NAALADL2: variants seen among roughly 807,000 people sequenced by gnomAD.
The protein encoded by NAALADL2 is N-acetylated alpha-linked acidic dipeptidase like 2.
A neutral mutation model predicts 87.2 loss-of-function variants in NAALADL2; 76 were observed. The observed-to-expected ratio is 0.87, with a 90% CI of 0.72 to 1.05. NAALADL2 has a LOEUF of 1.05. NAALADL2 is among the 50% of genes least tolerant of loss of function. NAALADL2 has a pLI of 0.00. For missense variants in NAALADL2, 1,089 were observed against 945.8 expected (o/e 1.15, Z -1.99); for synonymous variants, 354 against 331.0 (o/e 1.07, Z -0.75).
intron 3 of NAALADL2, among the ~76,000 whole-genome samples, chr3:174,751,094 A>G (rs1250355103): frequency 1.3e-5 from 2 of 152,098 alleles, no homozygotes; most frequent in Non-Finnish European, 2.9e-5. Context: ...CAGTGGAATT[A>G]CTGGAGTCAA....
chr3:174,986,943 GT>G (rs1745958437), intron 1 of NAALADL2, among the ~76,000 whole-genome samples: 1 of 152,226 alleles, frequency 6.6e-6, no homozygotes, highest in South Asian at 2.1e-4. Context: ...GGAGTTGGCA[GT>G]TTTTTAATGC....
intron 3 of NAALADL2, among the ~76,000 whole-genome samples, chr3:174,845,059 C>G (rs977713639): frequency 1.3e-5 from 2 of 151,940 alleles, no homozygotes; most frequent in African/African-American, 4.8e-5. Context: ...TTCTAAATTT[C>G]TGTTTACAGC....
chr3:175,078,890 C>G (rs1415175982), intron 1 of NAALADL2, among the ~76,000 whole-genome samples: 1 of 152,142 alleles, frequency 6.6e-6, no homozygotes, highest in African/African-American at 2.4e-5. Flanking sequence ...TAATGCTGCT[C>G]TAAAACATTT....
intron 7 of NAALADL2, among the ~76,000 whole-genome samples, chr3:175,465,251 C>CAAAAA (rs563877269): frequency 2.4e-5 from 2 of 84,232 alleles, no homozygotes; most frequent in African/African-American, 7.6e-5. Flanking sequence ...GACTCTATCT[C>CAAAAA]AAAAAAAAAA....
chr3:175,014,489 T>C (rs528107281), intron 1 of NAALADL2, among the ~76,000 whole-genome samples: 1 of 152,286 alleles, frequency 6.6e-6, no homozygotes, highest in African/African-American at 2.4e-5. Flanking sequence ...TGTTCCATAA[T>C]GTATTCCCAG....
Position 174,890,011 on chromosome 3 carries a change from G to A in NAALADL2, c.43+30561G>A, listed in dbSNP as rs114924399. On this transcript the variant is annotated intron_variant, in intron 1 of 13. Coordinates refer to ENST00000454872, the MANE Select transcript of NAALADL2 (RefSeq NM_207015.3). ...TAAGTAGAGAAGTTCGCTGTAGTACGCTACATATGAGTTCAGGCCATGGTT... is the reference window on the plus strand; with the variant it reads ...TAAGTAGAGAAGTTCGCTGTAGTACACTACATATGAGTTCAGGCCATGGTT... 7.2e-3 allele frequency among the ~76,000 whole-genome samples: 1,102 copies of A among 152,186 alleles called. 20 individuals carry two copies. The highest frequency in any genetic ancestry group is 0.025 in the African/African-American group (1,024 of 41,528).
chr3:174,927,622 G>A (rs1170098389), intron 1 of NAALADL2, among the ~76,000 whole-genome samples: 1 of 152,100 alleles, frequency 6.6e-6, no homozygotes, highest in Non-Finnish European at 1.5e-5. Flanking sequence ...GGTACATAAC[G>A]AAATGAAGGC....
At chr3:175,784,300 C>A (rs1751586501) in intron 13 of NAALADL2, among the ~76,000 whole-genome samples, 1 of 152,202 alleles carries the variant, frequency 6.6e-6, no homozygotes, top group East Asian at 1.9e-4. Context: ...CCTTGTACCT[C>A]TGATAGAATT....
In NAALADL2 at chr3:174,847,467, C is replaced by A. The variant is rs1413341436; in HGVS notation, c.-9+109721C>A. Among the ~76,000 whole-genome samples, 3 of 152,048 alleles carry A rather than the reference C, an allele frequency of 2.0e-5. No individual in the cohort carries two copies. In the East Asian group the frequency reaches 5.8e-4, roughly 29 times the overall value. On this transcript the variant is annotated intron_variant, in intron 3 of 3. Transcript: ENST00000434257. Reference sequence around the variant, plus strand: ...GGCTTTATTATAATCAAGAAATAAACTTTTAAAAAATAGGCTAAACTCAGA... The same window carrying A: ...GGCTTTATTATAATCAAGAAATAAAATTTTAAAAAATAGGCTAAACTCAGA...
At chr3:174,919,596 C>A (rs755258270) in intron 1 of NAALADL2, among the ~76,000 whole-genome samples, 3 of 152,190 alleles carry the variant, frequency 2.0e-5, no homozygotes, top group Non-Finnish European at 4.4e-5. Context: ...ATCTCCTCCA[C>A]TGAAGTCCTC....
chr3:174,587,705 C>T (rs1027438731), intron 2 of NAALADL2, among the ~76,000 whole-genome samples: 6 of 152,146 alleles, frequency 3.9e-5, no homozygotes, highest in Admixed American at 2.0e-4. Flanking sequence ...GTATTGGCCC[C>T]CACTCTCTTC....
rs76501445 is a variant in NAALADL2 at position 174,902,098 on chromosome 3, C to G, written c.43+42648C>G. ...TGGTCTGATGCAGGGCATGATCTAC[C>G]GCCCAGGTGTTGCTGATGCTGCTAG... On this transcript the variant is annotated intron_variant, in intron 1 of 13. Coordinates refer to ENST00000454872, the MANE Select transcript of NAALADL2 (RefSeq NM_207015.3). Among the ~76,000 whole-genome samples the G allele has an allele frequency of 2.9e-3, 444 of 152,202 alleles. 3 individuals are homozygous for G. Among genetic ancestry groups the G allele is most frequent in the African/African-American group, 0.01 (432 of 41,526 alleles).
chr3:175,318,501 T>C (rs1404703040), intron 4 of NAALADL2, among the ~76,000 whole-genome samples: 1 of 152,196 alleles, frequency 6.6e-6, no homozygotes, highest in Non-Finnish European at 1.5e-5. Context: ...AAAAAACTTT[T>C]GTTAGTTTTT....
intron 1 of NAALADL2, among the ~76,000 whole-genome samples, chr3:174,878,625 G>T (rs73174792): frequency 6.6e-6 from 1 of 152,024 alleles, no homozygotes; most frequent in Non-Finnish European, 1.5e-5. Flanking sequence ...AATCCCTCTT[G>T]AATTTTTTTC....
intron 2 of NAALADL2, among the ~76,000 whole-genome samples, chr3:175,206,703 T>C (rs1290911072): frequency 1.3e-5 from 2 of 151,866 alleles, no homozygotes; most frequent in African/African-American, 4.8e-5. Flanking sequence ...CAATAACTTC[T>C]GGAAAAATAA....
chr3:175,393,996 A>G (rs1013339758), intron 5 of NAALADL2, among the ~76,000 whole-genome samples: 1 of 152,134 alleles, frequency 6.6e-6, no homozygotes, highest in African/African-American at 2.4e-5. Flanking sequence ...CATTTGTCTC[A>G]TATACACTGT....
chr3:174,836,966 T>A (rs1029930191), intron 3 of NAALADL2, among the ~76,000 whole-genome samples: 1 of 151,918 alleles, frequency 6.6e-6, no homozygotes, highest in Non-Finnish European at 1.5e-5. Context: ...TAAAACGATA[T>A]ATGCCACAAC....
At chr3:174,706,364 T>C (rs1730067946) in intron 2 of NAALADL2, among the ~76,000 whole-genome samples, 1 of 152,210 alleles carries the variant, frequency 6.6e-6, no homozygotes, top group Non-Finnish European at 1.5e-5. Context: ...AAGGAAAACA[T>C]AACAGTAGAA....
intron 1 of NAALADL2, among the ~76,000 whole-genome samples, chr3:175,019,900 G>A (rs931872904): frequency 3.3e-5 from 5 of 152,026 alleles, no homozygotes; most frequent in South Asian, 2.1e-4. Flanking sequence ...GTAGTTAGAA[G>A]CTCCAAGCAT....
Sources: gnomAD v4.1 joint callset for allele counts (sites outside exome capture counted in the v4.1 genomes callset) on GRCh38, gnomAD v4.1.1 for gene constraint, MANE v1.5 for transcripts, NCBI Gene and HGNC (gene_info 2026-07-23, HGNC 2026-07-21) for gene names.